CSMD3: variants seen among roughly 807,000 people sequenced by gnomAD.
The protein encoded by CSMD3 is CUB and sushi domain-containing protein 3.
CSMD3 carries 177 observed loss-of-function variants against 435.2 expected under a neutral mutation model. The ratio of observed to expected loss-of-function variants is 0.41; its 90% CI spans 0.36 to 0.46. The LOEUF is 0.46. Among genes scored for constraint, CSMD3 ranks in the 20% least tolerant of loss-of-function variants. The probability of loss-of-function intolerance (pLI) is 0.34; values close to 1 mark genes in which losing one functional copy is unlikely to be tolerated. For synonymous variants in CSMD3, 1,656 were observed against 1,520.5 expected (o/e 1.09, Z -2.07); for missense variants, 4,265 against 4,504.6 (o/e 0.95, Z 1.52).
Position 113,060,261 on chromosome 8 carries a change from T to C in CSMD3, c.917+38495A>G, listed in dbSNP as rs1216379831. Among the ~76,000 whole-genome samples, 7 of 143,984 alleles carry C rather than the reference T, an allele frequency of 4.9e-5. No homozygotes were observed. In the East Asian group the frequency reaches 1.0e-3, roughly 21 times the overall value. 94.5% of individuals were successfully genotyped at this position (143,984 alleles called of 152,430 possible). Reference sequence around the variant, plus strand: ...TATGCGGTGTTTGGTTTTTTGTTCTTGCGATAGTTTACTGAGAATGATGGT... The same window carrying C: ...TATGCGGTGTTTGGTTTTTTGTTCTCGCGATAGTTTACTGAGAATGATGGT... On this transcript the variant is annotated intron_variant, in intron 5 of 70. Coordinates refer to ENST00000297405, the MANE Select transcript of CSMD3 (RefSeq NM_198123.2).
intron 10 of CSMD3, among the ~76,000 whole-genome samples, chr8:112,912,659 G>A (rs1034719717): frequency 2.0e-5 from 3 of 151,980 alleles, no homozygotes; most frequent in Admixed American, 6.6e-5. Context: ...GTGTGGCAGC[G>A]ATTTCCTGTA....
intron 59 of CSMD3, among the ~76,000 whole-genome samples, chr8:112,271,834 G>A (rs1284384531): frequency 6.6e-6 from 1 of 152,150 alleles, no homozygotes; most frequent in Non-Finnish European, 1.5e-5. Flanking sequence ...TGTTTCTTTA[G>A]TGCTATGGTT....
At chr8:112,952,169 T>C (rs1455849517) in intron 8 of CSMD3, among the ~76,000 whole-genome samples, 1 of 151,358 alleles carries the variant, frequency 6.6e-6, no homozygotes, top group East Asian at 1.9e-4. Context: ...AAAAAAAATC[T>C]GAATGAGCCT....
At chr8:112,343,001 T>TATTTATATATATTTA (rs1554647587) in intron 41 of CSMD3, among the ~76,000 whole-genome samples, 1 of 109,678 alleles carries the variant, frequency 9.1e-6, no homozygotes, top group East Asian at 2.6e-4. Context: ...ATATATATAT[T>TATTTATATATATTTA]TATATATATA....
chr8:112,241,853 C>T, intron 65 of CSMD3, 68 bp from the exon 66 acceptor site: 1 of 815,390 alleles, frequency 1.2e-6, no homozygotes, highest in Non-Finnish European at 2.1e-6. Flanking sequence ...CGCACACACA[C>T]ACACGCACAC....
At chr8:113,041,678 C>T (rs2087623310) in intron 5 of CSMD3, among the ~76,000 whole-genome samples, 1 of 151,776 alleles carries the variant, frequency 6.6e-6, no homozygotes, top group Non-Finnish European at 1.5e-5. Flanking sequence ...ACTTTATTGT[C>T]TTCCTTTTTA....
intron 6 of CSMD3, among the ~76,000 whole-genome samples, chr8:112,994,523 A>G (rs1319186785): frequency 6.6e-6 from 1 of 151,694 alleles, no homozygotes; most frequent in Non-Finnish European, 1.5e-5. Flanking sequence ...CAATATGTCT[A>G]TTATAGCAAG....
chr8:112,556,473 T>C (rs1259158668), intron 25 of CSMD3, among the ~76,000 whole-genome samples: 1 of 151,956 alleles, frequency 6.6e-6, no homozygotes, highest in Non-Finnish European at 1.5e-5. Flanking sequence ...GTCTTAACAT[T>C]TTAGTAATGA....
chr8:113,150,514 G>C (rs2091781582), intron 4 of CSMD3, among the ~76,000 whole-genome samples: 1 of 151,930 alleles, frequency 6.6e-6, no homozygotes, highest in South Asian at 2.1e-4. Context: ...TGCAGCTGTT[G>C]ACAAAACCAT....
intron 27 of CSMD3, among the ~76,000 whole-genome samples, chr8:112,542,918 C>T (rs569666733): frequency 4.6e-5 from 7 of 152,048 alleles, no homozygotes; most frequent in South Asian, 2.1e-4. Context: ...ATCTATGAAA[C>T]GGTAACAGGT....
At chr8:112,343,001 T>TATA (rs1554647587) in intron 41 of CSMD3, among the ~76,000 whole-genome samples, 2 of 109,678 alleles carry the variant, frequency 1.8e-5, no homozygotes, top group Admixed American at 9.8e-5. Context: ...ATATATATAT[T>TATA]TATATATATA....
At chr8:112,492,373 T>G in intron 31 of CSMD3, 116 bp downstream of exon 31, 1 of 817,392 alleles carries the variant, frequency 1.2e-6, no homozygotes, top group East Asian at 2.6e-5. Flanking sequence ...GCATTGCTAG[T>G]ACGACACTTG....
At position 112,349,442 on chromosome 8, in the gene CSMD3, G is replaced by A. The variant is rs571613601; in HGVS notation, c.6325+1733C>T. 2.0e-5 allele frequency among the ~76,000 whole-genome samples: 3 copies of A among 152,074 alleles called. No individual in the cohort carries two copies. The South Asian group carries it at 6.2e-4, about 32-fold the overall frequency. On this transcript the variant is annotated intron_variant, in intron 40 of 70. Transcript: ENST00000297405. ...TATAATGGATGCCTATTTAAGATGA[G>A]AAACTTTTCAGGCACTAGCAATATG...
At chr8:113,075,500 T>C (rs1370346289) in intron 5 of CSMD3, among the ~76,000 whole-genome samples, 1 of 151,762 alleles carries the variant, frequency 6.6e-6, no homozygotes, top group Non-Finnish European at 1.5e-5. Flanking sequence ...CATATAACCA[T>C]CCTAAATGTT....
chr8:112,372,627 A>G (rs988246112), intron 38 of CSMD3, among the ~76,000 whole-genome samples: 9 of 152,078 alleles, frequency 5.9e-5, no homozygotes, highest in African/African-American at 2.2e-4. Context: ...AGGAGGGCGG[A>G]TTGCCTGAGC....
At chr8:112,424,008 G>A (rs1563929398) in intron 32 of CSMD3, among the ~76,000 whole-genome samples, 2 of 152,076 alleles carry the variant, frequency 1.3e-5, no homozygotes, top group African/African-American at 4.8e-5. Context: ...ACTTATACAC[G>A]CAAATTTTAT....
chr8:112,637,378 G>C (rs1180410519), intron 21 of CSMD3, among the ~76,000 whole-genome samples: 4 of 145,314 alleles, frequency 2.8e-5, no homozygotes, highest in African/African-American at 7.8e-5. Context: ...CATTTGAAAT[G>C]AAATCATTTG....
At chr8:112,472,097 T>A (rs902162075) in intron 32 of CSMD3, among the ~76,000 whole-genome samples, 1 of 152,226 alleles carries the variant, frequency 6.6e-6, no homozygotes, top group Admixed American at 6.5e-5. Flanking sequence ...TCCTTTGCTG[T>A]CTTTTTATAT....
chr8:112,978,629 G>GT (rs567700790), intron 6 of CSMD3, among the ~76,000 whole-genome samples: 79 of 152,086 alleles, frequency 5.2e-4, no homozygotes, highest in Admixed American at 2.4e-3. Context: ...TTGGGACAGT[G>GT]TTTAAGGTTG....
Sources: gnomAD v4.1 joint callset for allele counts (sites outside exome capture counted in the v4.1 genomes callset) on GRCh38, gnomAD v4.1.1 for gene constraint, MANE v1.5 for transcripts, NCBI Gene and HGNC (gene_info 2026-07-23, HGNC 2026-07-21) for gene names.